Variants in CNTNAP2 observed in about 807,000 individuals in gnomAD.
CNTNAP2 encodes contactin associated protein 2.
Under a neutral mutation model 155.2 loss-of-function variants are expected in CNTNAP2, and 98 were observed. The ratio of observed to expected loss-of-function variants is 0.63; its 90% CI spans 0.54 to 0.75. The LOEUF is 0.75. CNTNAP2 is among the 30% of genes least tolerant of loss of function. The probability of loss-of-function intolerance (pLI) is 0.00; values close to 1 mark genes in which losing one functional copy is unlikely to be tolerated. For missense variants in CNTNAP2, 1,727 were observed against 1,688.1 expected (o/e 1.02, Z -0.40); for synonymous variants, 651 against 631.2 (o/e 1.03, Z -0.47).
chr7:146,133,468 T>C (rs1482205601), intron 1 of CNTNAP2, among the ~76,000 whole-genome samples: 1 of 152,208 alleles, frequency 6.6e-6, no homozygotes, highest in African/African-American at 2.4e-5. Flanking sequence ...TTTTGGTGTT[T>C]TAGACATGAA....
At chr7:146,433,307 G>A (rs1439838506) in intron 1 of CNTNAP2, among the ~76,000 whole-genome samples, 3 of 152,110 alleles carry the variant, frequency 2.0e-5, no homozygotes, top group East Asian at 3.9e-4. Flanking sequence ...TAATTTGTTT[G>A]GGGTCAGGTC....
chr7:147,897,047 T>G (rs1417785739), intron 13 of CNTNAP2: 4 of 152,202 alleles, frequency 2.6e-5, no homozygotes, highest in Non-Finnish European at 5.9e-5. Flanking sequence ...AAACTTCCTT[T>G]CCTGGGCTTC....
At chr7:147,270,876 G>A (rs575015618) in intron 8 of CNTNAP2, among the ~76,000 whole-genome samples, 5 of 152,298 alleles carry the variant, frequency 3.3e-5, no homozygotes, top group Admixed American at 1.3e-4. Flanking sequence ...TAGGACGACT[G>A]TGGTGGCAGC....
At chr7:146,452,171 T>A (rs991125245) in intron 1 of CNTNAP2, among the ~76,000 whole-genome samples, 4 of 151,992 alleles carry the variant, frequency 2.6e-5, no homozygotes, top group Non-Finnish European at 5.9e-5. Context: ...CCTCCCAAAG[T>A]GCTAGGATTA....
intron 1 of CNTNAP2, among the ~76,000 whole-genome samples, chr7:146,134,927 A>G (rs954430094): frequency 2.6e-5 from 4 of 151,724 alleles, no homozygotes; most frequent in Admixed American, 2.6e-4. Flanking sequence ...TGGCCTCATA[A>G]AATGAGTTAG....
intron 1 of CNTNAP2, among the ~76,000 whole-genome samples, chr7:146,477,735 C>A (rs1219507435): frequency 6.6e-6 from 1 of 150,892 alleles, no homozygotes; most frequent in Non-Finnish European, 1.5e-5. Context: ...TTGTAACCAA[C>A]AAAGTTTATT....
chr7:147,693,925 C>A (rs1306941257), intron 13 of CNTNAP2, among the ~76,000 whole-genome samples: 2 of 152,034 alleles, frequency 1.3e-5, no homozygotes, highest in African/African-American at 4.8e-5. Flanking sequence ...TGTTCCTGAT[C>A]TTAGCAGGAG....
At chr7:146,275,320 A>T (rs1464698080) in intron 1 of CNTNAP2, among the ~76,000 whole-genome samples, 1 of 152,218 alleles carries the variant, frequency 6.6e-6, no homozygotes, top group African/African-American at 2.4e-5. Context: ...ACTTAACAAG[A>T]CTATAGTGAC....
intron 12 of CNTNAP2, among the ~76,000 whole-genome samples, chr7:147,616,699 C>T (rs1801300453): frequency 6.6e-6 from 1 of 152,048 alleles, no homozygotes; most frequent in Non-Finnish European, 1.5e-5. Context: ...CTTTTTTTCA[C>T]AGAAGATATA....
At chr7:146,352,794 G>C (rs1297772658) in intron 1 of CNTNAP2, among the ~76,000 whole-genome samples, 12 of 114,714 alleles carry the variant, frequency 1.0e-4, no homozygotes, top group Non-Finnish European at 1.8e-4. Flanking sequence ...TCTCTCTGTC[G>C]CCCAGGCTGG....
At chr7:147,591,293 A>T (rs1361747511) in intron 12 of CNTNAP2, among the ~76,000 whole-genome samples, 2 of 152,016 alleles carry the variant, frequency 1.3e-5, no homozygotes, top group Non-Finnish European at 2.9e-5. Context: ...CTGTAGGTTT[A>T]TTTTTTTGTC....
rs1191527384 is a variant in CNTNAP2 at position 146,880,322 on chromosome 7, C to G, written c.402+40418C>G. ...AAATTCATAAAAGCTCCTTTATGCTCTCTCTTTCTGCCATTCGAAGAACAC... is the reference window on the plus strand; with the variant it reads ...AAATTCATAAAAGCTCCTTTATGCTGTCTCTTTCTGCCATTCGAAGAACAC... On this transcript the variant is annotated intron_variant, in intron 3 of 23. Transcript: ENST00000361727. 2.6e-5 allele frequency among the ~76,000 whole-genome samples: 4 copies of G among 152,096 alleles called. No homozygotes were observed. In the East Asian group the frequency reaches 7.7e-4, roughly 29 times the overall value.
rs566454185 is a variant in CNTNAP2 at position 148,365,013 on chromosome 7, G to C, written c.3476-18636G>C. On this transcript the variant is annotated intron_variant, in intron 21 of 23. Transcript: ENST00000361727. ...ACACATCTGAACATCAGAAGGGACT[G>C]ACTCCAGACGCGCCACCTTAAGAGC... is the stretch of plus-strand genomic sequence containing the variant. 1.8e-3 allele frequency among the ~76,000 whole-genome samples: 270 copies of C among 152,314 alleles called. 1 individual carries two copies. Among genetic ancestry groups the C allele is most frequent in the Admixed American group, 2.9e-3 (44 of 15,308 alleles).
intron 12 of CNTNAP2, among the ~76,000 whole-genome samples, chr7:147,599,918 G>A (rs940757964): frequency 3.9e-5 from 6 of 152,148 alleles, no homozygotes; most frequent in African/African-American, 1.2e-4. Context: ...CAGTGTATGA[G>A]GGTTCACTTG....
chr7:146,814,150 T>C (rs532163949), intron 2 of CNTNAP2, among the ~76,000 whole-genome samples: 2 of 152,182 alleles, frequency 1.3e-5, no homozygotes, highest in Non-Finnish European at 2.9e-5. Context: ...ATAAATGAAA[T>C]AGATAATAAA....
At chr7:146,570,982 T>C (rs773320140) in intron 1 of CNTNAP2, among the ~76,000 whole-genome samples, 1 of 152,132 alleles carries the variant, frequency 6.6e-6, no homozygotes, top group Non-Finnish European at 1.5e-5. Flanking sequence ...TACCTAAAAA[T>C]AAATCTAGTG....
chr7:146,657,327 A>G (rs541295439), intron 1 of CNTNAP2, among the ~76,000 whole-genome samples: 37 of 152,298 alleles, frequency 2.4e-4, no homozygotes, highest in Non-Finnish European at 4.9e-4. Context: ...TTGATATGGA[A>G]AGTTTGCTTT....
intron 13 of CNTNAP2, among the ~76,000 whole-genome samples, chr7:147,804,226 G>A (rs1342948165): frequency 6.6e-6 from 1 of 152,170 alleles, no homozygotes; most frequent in Admixed American, 6.5e-5. Context: ...ATTATTGTCT[G>A]TTTTCATAAA....
intron 3 of CNTNAP2, among the ~76,000 whole-genome samples, chr7:146,964,933 G>A (rs1357798672): frequency 2.0e-5 from 3 of 147,502 alleles, no homozygotes; most frequent in East Asian, 3.9e-4. Flanking sequence ...ACATTGTGTT[G>A]AGAATCGTTT....
Sources: gnomAD v4.1 joint callset for allele counts (sites outside exome capture counted in the v4.1 genomes callset) on GRCh38, gnomAD v4.1.1 for gene constraint, MANE v1.5 for transcripts, NCBI Gene and HGNC (gene_info 2026-07-23, HGNC 2026-07-21) for gene names.